LMO7: variants seen among roughly 807,000 people sequenced by gnomAD.
LMO7 encodes LIM domain 7.
In LMO7, 120 loss-of-function variants were observed where a neutral mutation model predicts 206.5. That is an observed-to-expected ratio of 0.58 (90% confidence interval 0.50 to 0.68). LMO7 has a LOEUF of 0.68. LMO7 is among the 30% of genes least tolerant of loss of function. The pLI is 0.00. For missense variants in LMO7, 1,959 were observed against 1,957.9 expected (o/e 1.00, Z -0.01); for synonymous variants, 706 against 681.5 (o/e 1.04, Z -0.56).
intron 4 of LMO7, among the ~76,000 whole-genome samples, chr13:75,775,394 C>T (rs1256351182): frequency 6.6e-6 from 1 of 151,746 alleles, no homozygotes; most frequent in Non-Finnish European, 1.5e-5. Context: ...GGACATTGGT[C>T]CAGGCAAAGA....
chr13:75,623,249 C>A, intron 1 of LMO7: 2 of 1,238,566 alleles, frequency 1.6e-6, no homozygotes, highest in Non-Finnish European at 2.3e-6. Context: ...TTTAACTTTC[C>A]TAATCATGAC....
At chr13:75,705,971 TCA>T (rs2042621403) in intron 1 of LMO7, among the ~76,000 whole-genome samples, 1 of 147,578 alleles carries the variant, frequency 6.8e-6, no homozygotes, top group South Asian at 2.2e-4. Context: ...CTTCTTACTT[TCA>T]TTCTACAGAT....
intron 27 of LMO7, among the ~76,000 whole-genome samples, chr13:75,852,645 G>A (rs1595546710): frequency 6.6e-6 from 1 of 152,210 alleles, no homozygotes; most frequent in South Asian, 2.1e-4. Context: ...ACTTTACAGT[G>A]ATGTGAAAGT....
intron 10 of LMO7, among the ~76,000 whole-genome samples, chr13:75,808,711 G>C (rs2055895284): frequency 6.6e-6 from 1 of 152,278 alleles, no homozygotes; most frequent in Admixed American, 6.5e-5. Context: ...AGTAAACGTT[G>C]ATGTTAAAAT....
At chr13:75,650,438 T>C (rs1422101669) in intron 1 of LMO7, among the ~76,000 whole-genome samples, 1 of 152,158 alleles carries the variant, frequency 6.6e-6, no homozygotes, top group Non-Finnish European at 1.5e-5. Flanking sequence ...CGTTTTTTTT[T>C]CTTAATGATA....
At chr13:75,768,461 G>A (rs1381887364) in intron 4 of LMO7, among the ~76,000 whole-genome samples, 4 of 152,024 alleles carry the variant, frequency 2.6e-5, no homozygotes, top group East Asian at 3.9e-4. Context: ...TGTATGTGGG[G>A]CCAACACAAT....
At chr13:75,760,813 G>A (rs1416049495) in intron 3 of LMO7, 119 bp from the exon 4 acceptor site, 10 of 1,550,988 alleles carry the variant, frequency 6.4e-6, no homozygotes, top group African/African-American at 2.7e-5. Flanking sequence ...GGGTCTTGCT[G>A]CTGCCTCTTT....
intron 14 of LMO7, among the ~76,000 whole-genome samples, chr13:75,822,181 AGT>A (rs2138429148): frequency 6.6e-6 from 1 of 152,286 alleles, no homozygotes; most frequent in South Asian, 2.1e-4. Context: ...TCCGACAATG[AGT>A]GTGTTAATCT....
At chr13:75,685,818 T>C (rs2040924130) in intron 1 of LMO7, among the ~76,000 whole-genome samples, 1 of 151,788 alleles carries the variant, frequency 6.6e-6, no homozygotes, top group African/African-American at 2.4e-5. Context: ...AGAAAATGGC[T>C]ACTCTTACAT....
At chr13:75,767,203 G>A (rs55918436) in intron 4 of LMO7, among the ~76,000 whole-genome samples, 3,607 of 152,162 alleles carry the variant, frequency 0.024, 64 homozygotes, top group Non-Finnish European at 0.037. Context: ...TGTTAAGAAT[G>A]CTTAACTGAC....
At position 75,697,000 on chromosome 13, in the gene LMO7, A is replaced by G. The variant is rs560469592; in HGVS notation, c.70-16182A>G. On this transcript the variant is annotated intron_variant, in intron 1 of 30. Transcript: ENST00000377534. The stretch of plus-strand genomic sequence containing the variant: ...ACATTTTTGATCTTTCCCAACGTCG[A>G]CATACCTTATGGGCCAAACAACACA... Among the ~76,000 whole-genome samples the G allele has an allele frequency of 8.5e-5, 13 of 152,284 alleles. 1 individual carries two copies. In the East Asian group the frequency reaches 1.4e-3, roughly 16 times the overall value.
At chr13:75,657,223 A>G (rs1169792926) in intron 1 of LMO7, among the ~76,000 whole-genome samples, 1 of 152,210 alleles carries the variant, frequency 6.6e-6, no homozygotes, top group Non-Finnish European at 1.5e-5. Flanking sequence ...TAGCATGGCC[A>G]TGCTGACACC....
intron 3 of LMO7, among the ~76,000 whole-genome samples, chr13:75,746,218 A>G (rs762775584): frequency 1.3e-5 from 2 of 152,304 alleles, no homozygotes; most frequent in South Asian, 2.1e-4. Context: ...GGGAAAATCA[A>G]GAGAGAATCT....
At chr13:75,718,933 G>A (rs1191972892) in intron 2 of LMO7, among the ~76,000 whole-genome samples, 1 of 150,928 alleles carries the variant, frequency 6.6e-6, no homozygotes, top group Non-Finnish European at 1.5e-5. Flanking sequence ...TGAGTAATAT[G>A]CACTTACTTC....
chr13:75,756,863 T>G (rs1442455333), intron 3 of LMO7, among the ~76,000 whole-genome samples: 2 of 152,142 alleles, frequency 1.3e-5, no homozygotes, highest in East Asian at 3.9e-4. Context: ...GGATGAATAT[T>G]TTGGGGCCTT....
Position 75,808,151 on chromosome 13 carries a change from T to C in LMO7, c.1868T>C (p.Ile623Thr). ...GCTGACTTGAAGAGATGGGAGGCCA[T>C]CCGGGAGGCCAGCAGACTTAGGCAC... ...SEADLKRWEA[I>T]REASRLRHKK... The change falls in exon 10 of 31, where the codon ATC becomes ACC. Residue 623 changes from isoleucine to threonine, a missense_variant. Transcript: ENST00000377534. The C allele has an allele frequency of 6.2e-7, 1 of 1,613,772 alleles. No individual in the cohort carries two copies. Among genetic ancestry groups the C allele is most frequent in the Non-Finnish European group, 8.5e-7 (1 of 1,179,796 alleles).
chr13:75,635,404 C>A (rs1289967172), upstream of LMO7, among the ~76,000 whole-genome samples: 1 of 152,088 alleles, frequency 6.6e-6, no homozygotes, highest in Non-Finnish European at 1.5e-5. Flanking sequence ...TGAAAAAGAC[C>A]CGCGCAAGCC....
intron 3 of LMO7, among the ~76,000 whole-genome samples, chr13:75,740,631 A>T (rs1411173971): frequency 6.6e-6 from 1 of 152,202 alleles, no homozygotes; most frequent in African/African-American, 2.4e-5. Context: ...TTTGAGGAGA[A>T]TATCTACCTA....
rs183159558 is a variant in LMO7, at chr13:75,690,904, C to T, written c.70-22278C>T. ...TCCACTGCCTGAATAATAATTGCCA[C>T]TACTTTTTCTGATAATGTTGCAAGG... is the stretch of plus-strand genomic sequence containing the variant. On this transcript the variant is annotated intron_variant, in intron 1 of 30. Transcript: ENST00000377534. Among the ~76,000 whole-genome samples, 526 of 152,282 alleles carry T rather than the reference C, an allele frequency of 3.5e-3. 3 individuals carry two copies. The highest frequency in any genetic ancestry group is 0.012 in the African/African-American group (512 of 41,546).
Sources: allele counts gnomAD v4.1 joint callset (sites outside exome capture counted in the v4.1 genomes callset), GRCh38; gene constraint gnomAD v4.1.1; transcripts MANE v1.5; gene names NCBI Gene and HGNC (gene_info 2026-07-23, HGNC 2026-07-21).